Variants in FRMD4A observed in about 807,000 individuals in gnomAD.
FRMD4A encodes the protein FERM domain containing 4A.
A neutral mutation model predicts 129.1 loss-of-function variants in FRMD4A; 29 were observed. The ratio of observed to expected loss-of-function variants is 0.22; its 90% confidence interval spans 0.17 to 0.31. The LOEUF (loss-of-function observed/expected upper bound fraction) is 0.31, where lower values mean the gene tolerates loss of function less well. Among genes scored for constraint, FRMD4A ranks in the 10% least tolerant of loss-of-function variants. FRMD4A has a pLI of 1.00. For missense variants in FRMD4A, 1,272 were observed against 1,375.8 expected, an observed-to-expected ratio of 0.92 and a Z score of 1.19; for synonymous variants, 634 against 571.6, an observed-to-expected ratio of 1.11 and a Z score of -1.56.
At chr10:13,750,730 C>T (rs2091577688) in intron 8 of FRMD4A, among the ~76,000 whole-genome samples, 1 of 152,116 alleles carries the variant, frequency 6.6e-6, no homozygotes, top group Admixed American at 6.5e-5. Context: ...TAATGCCAGG[C>T]TAAGAGGGTT....
At position 13,855,480 on chromosome 10, in the gene FRMD4A, A is replaced by G. The variant is rs2094200514; in HGVS notation, c.111+3367T>C. Among the ~76,000 whole-genome samples the G allele has an allele frequency of 5.3e-5, 8 of 152,198 alleles. No individual in the cohort carries two copies. The South Asian group carries it at 1.7e-3, about 32-fold the overall frequency. ...GCACACCCATTTACTTCTCTGGGGG[A>G]GAGAAACACTTGCTCTAAACCTGAC... On this transcript the variant is annotated intron_variant, in intron 3 of 24. Transcript: ENST00000357447.
intron 2 of FRMD4A, among the ~76,000 whole-genome samples, chr10:13,886,249 C>G (rs2094619444): frequency 1.4e-5 from 2 of 145,538 alleles, no homozygotes. Flanking sequence ...CCCATGCGTT[C>G]CCCATACAGC....
chr10:14,274,907 G>C (rs1325211825), intron 2 of FRMD4A, among the ~76,000 whole-genome samples: 1 of 152,096 alleles, frequency 6.6e-6, no homozygotes, highest in Non-Finnish European at 1.5e-5. Flanking sequence ...TTTCGGTTTG[G>C]CATCTGAATT....
chr10:13,694,516 A>G (rs564451270), intron 14 of FRMD4A, among the ~76,000 whole-genome samples: 17 of 152,268 alleles, frequency 1.1e-4, no homozygotes, highest in African/African-American at 4.1e-4. Context: ...CACTGTGGTT[A>G]TAATTATTTA....
At chr10:13,718,951 A>G (rs1299486325) in intron 12 of FRMD4A, among the ~76,000 whole-genome samples, 1 of 152,174 alleles carries the variant, frequency 6.6e-6, no homozygotes, top group Non-Finnish European at 1.5e-5. Flanking sequence ...CATATTAGAC[A>G]CTCAATAGTT....
intron 2 of FRMD4A, among the ~76,000 whole-genome samples, chr10:14,250,392 C>T (rs1196889655): frequency 4.6e-5 from 7 of 152,158 alleles, no homozygotes; most frequent in South Asian, 4.1e-4. Context: ...GTGAAAATGG[C>T]GTCTTGTTTT....
intron 2 of FRMD4A, among the ~76,000 whole-genome samples, chr10:14,101,114 C>T (rs962263439): frequency 6.6e-6 from 1 of 152,172 alleles, no homozygotes; most frequent in African/African-American, 2.4e-5. Context: ...TATGTTTTAC[C>T]TTTTAAGATT....
At chr10:14,008,566 T>A in intron 2 of FRMD4A, 1 of 924,300 alleles carries the variant, frequency 1.1e-6, no homozygotes, top group Non-Finnish European at 1.3e-6. Context: ...ATCAAAGCTC[T>A]ATCAGACGTA....
At chr10:13,772,529 T>C (rs2092486861) in intron 6 of FRMD4A, among the ~76,000 whole-genome samples, 1 of 152,194 alleles carries the variant, frequency 6.6e-6, no homozygotes, top group Non-Finnish European at 1.5e-5. Flanking sequence ...TCTGAGGAGC[T>C]ACTGTAGACT....
intron 2 of FRMD4A, among the ~76,000 whole-genome samples, chr10:13,995,221 G>A (rs573036054): frequency 2.6e-5 from 4 of 152,314 alleles, no homozygotes; most frequent in Non-Finnish European, 5.9e-5. Flanking sequence ...TCTTAGGTAT[G>A]TTGGTTTAAT....
intron 15 of FRMD4A, among the ~76,000 whole-genome samples, chr10:13,686,982 G>A (rs2085143655): frequency 6.6e-6 from 1 of 152,138 alleles, no homozygotes; most frequent in African/African-American, 2.4e-5. Context: ...AACTCCCATT[G>A]AAATCAGAAC....
intron 6 of FRMD4A, among the ~76,000 whole-genome samples, chr10:13,774,830 CAT>C (rs1458519507): frequency 3.3e-5 from 5 of 150,884 alleles, no homozygotes; most frequent in Non-Finnish European, 5.9e-5. Context: ...TGGAAGGAAA[CAT>C]AGAATAATAA....
intron 2 of FRMD4A, among the ~76,000 whole-genome samples, chr10:13,924,165 G>C (rs2095104146): frequency 6.6e-6 from 1 of 152,124 alleles, no homozygotes; most frequent in African/African-American, 2.4e-5. Context: ...GCCCAATGAG[G>C]GAATGGCTAA....
rs10546068 is a variant in FRMD4A at position 13,666,911 on chromosome 10, C to CTTT, written c.1375-589_1375-587dup. ...CTTTCGGGAGCTTTTCTTTTCTTTT[C>CTTT]TTTTTTTTTTTTTTTTTTTGAGATG... On this transcript the variant is annotated intron_variant, in intron 17 of 24. Transcript: ENST00000357447. 1.5e-4 allele frequency among the ~76,000 whole-genome samples: 17 copies of CTTT among 114,354 alleles called. No individual in the cohort carries two copies. The South Asian group carries it at 1.5e-3, about 10-fold the overall frequency. The allele number at this position is 114,354 out of a possible 152,430, so 75.0% of individuals were successfully genotyped here. A position where few individuals can be genotyped will look rare whatever the true frequency, so the allele number is the denominator to read the frequency against.
At chr10:14,129,240 G>A (rs1222346939) in intron 2 of FRMD4A, among the ~76,000 whole-genome samples, 4 of 151,322 alleles carry the variant, frequency 2.6e-5, no homozygotes, top group Non-Finnish European at 5.9e-5. Flanking sequence ...TATCTAGTTA[G>A]CAATTCAAGG....
intron 2 of FRMD4A, among the ~76,000 whole-genome samples, chr10:13,892,110 G>A (rs1163914074): frequency 6.6e-6 from 1 of 150,946 alleles, no homozygotes; most frequent in African/African-American, 2.4e-5. Flanking sequence ...ACCCGCAGGC[G>A]AGACAAAGTT....
intron 3 of FRMD4A, among the ~76,000 whole-genome samples, chr10:13,851,225 AAAAAAG>A (rs374180622): frequency 1.9e-3 from 287 of 152,364 alleles, no homozygotes; most frequent in African/African-American, 6.3e-3. Flanking sequence ...AAACAAAACA[AAAAAAG>A]AAAAAGAAAA....
At chr10:13,763,497 C>T (rs868518556) in intron 6 of FRMD4A, among the ~76,000 whole-genome samples, 1 of 152,122 alleles carries the variant, frequency 6.6e-6, no homozygotes, top group South Asian at 2.1e-4. Context: ...AGCTCAGATA[C>T]AGAACGTTTC....
At chr10:13,958,465 A>G (rs1212025615) in intron 2 of FRMD4A, among the ~76,000 whole-genome samples, 5 of 151,028 alleles carry the variant, frequency 3.3e-5, no homozygotes, top group Non-Finnish European at 4.4e-5. Context: ...TTGTATTTTT[A>G]GTAGAGACGG....
Sources: allele counts gnomAD v4.1 joint callset (sites outside exome capture counted in the v4.1 genomes callset), GRCh38; gene constraint gnomAD v4.1.1; transcripts MANE v1.5; gene names NCBI Gene and HGNC (gene_info 2026-07-23, HGNC 2026-07-21).